RRM2: variants seen among roughly 807,000 people sequenced by gnomAD.
RRM2 encodes the protein ribonucleoside-diphosphate reductase subunit M2.
Under a neutral mutation model 45.9 loss-of-function variants are expected in RRM2, and 6 were observed. The observed-to-expected ratio is 0.13, with a 90% CI of 0.07 to 0.26. The LOEUF (loss-of-function observed/expected upper bound fraction) is 0.26. Ranked by LOEUF, RRM2 falls within the 10% of genes least tolerant of loss-of-function variation. RRM2 has a pLI of 1.00. For synonymous variants in RRM2, 177 were observed against 173.0 expected, an observed-to-expected ratio of 1.02 and a Z score of -0.18; for missense variants, 343 against 489.5, an observed-to-expected ratio of 0.70 and a Z score of 2.82.
upstream of RRM2, chr2:10,122,730 G>A (rs1414281461): frequency 5.8e-6 from 9 of 1,551,872 alleles, no homozygotes; most frequent in East Asian, 2.4e-5. Context: ...CTGGAGTGAG[G>A]GGTCGCCCGT....
chr2:10,205,221 C>G lies in RRM2; in HGVS notation n.483-5090C>G, dbSNP rs1195627614. On this transcript the variant is annotated intron_variant and non_coding_transcript_variant, in intron 3 of 3. Coordinates refer to the RRM2 transcript ENST00000381786. This position sits in a 1 kb window ranked among gnomAD's most constrained non-coding sequence, Gnocchi z 4.8. The stretch of plus-strand genomic sequence containing the variant: ...AGGGGGCGTGGAGCAGGGGCTGAGG[C>G]CTGAGCGGTGAGTGGGGCTCGGTAT... Among the ~76,000 whole-genome samples the G allele has an allele frequency of 6.6e-6, 1 of 152,160 alleles. No individual in the cohort carries two copies. The highest frequency in any genetic ancestry group is 6.6e-5 in the Admixed American group (1 of 15,266).
chr2:10,210,631 G>T (rs184696222), exon 4 of RRM2: 1 of 1,351,098 alleles, frequency 7.4e-7, no homozygotes, highest in South Asian at 1.2e-5. Context: ...CACACCCACT[G>T]CCTCTCATGC....
At chr2:10,210,533 T>C (rs1298312280) in exon 4 of RRM2, 5 of 1,367,194 alleles carry the variant, frequency 3.7e-6, no homozygotes, top group Non-Finnish European at 4.9e-6. Flanking sequence ...ATCCTTTCAC[T>C]GGACTCCACA....
chr2:10,144,911 G>A (rs1663157630), intron 3 of RRM2, among the ~76,000 whole-genome samples: 3 of 152,216 alleles, frequency 2.0e-5, no homozygotes, highest in Admixed American at 2.0e-4. Flanking sequence ...CCACTGGCTG[G>A]TGGGGGTGAC....
In RRM2 at chr2:10,152,055, TCTC is replaced by T. The variant is rs559868967; in HGVS notation, n.482+9683_482+9685del. Among the ~76,000 whole-genome samples, 462 of 152,086 alleles carry T rather than the reference TCTC, an allele frequency of 3.0e-3. 4 individuals carry two copies. The highest frequency in any genetic ancestry group is 0.011 in the African/African-American group (442 of 41,456). Reference sequence around the variant, plus strand: ...GCTCCGCCTCCCAGGTTCATGCTATTCTCCTGCCTCAGCCTCCCGAGTAGCTGG... The same window carrying T: ...GCTCCGCCTCCCAGGTTCATGCTATTCTGCCTCAGCCTCCCGAGTAGCTGG... On this transcript the variant is annotated intron_variant and non_coding_transcript_variant, in intron 3 of 3. Transcript: ENST00000381786.
At chr2:10,165,139 C>T (rs745892706) in intron 3 of RRM2, among the ~76,000 whole-genome samples, 18 of 152,132 alleles carry the variant, frequency 1.2e-4, no homozygotes, top group Non-Finnish European at 2.4e-4. Context: ...TTTGTAGAGA[C>T]GTGGTTTCAC....
rs956827249 is a variant in RRM2, at chr2:10,171,990, G to A, written n.482+29615G>A. Among the ~76,000 whole-genome samples the A allele has an allele frequency of 4.6e-5, 7 of 152,148 alleles. No homozygotes were observed. Among genetic ancestry groups the A allele is most frequent in the African/African-American group, 7.2e-5 (3 of 41,426 alleles). Reference sequence around the variant, plus strand: ...GACGGTGCTGCTTGTTTAGAAAACCGGGCAGAGGAGCCCTGCTAGTCCAGG... The same window carrying A: ...GACGGTGCTGCTTGTTTAGAAAACCAGGCAGAGGAGCCCTGCTAGTCCAGG... On this transcript the variant is annotated intron_variant and non_coding_transcript_variant, in intron 3 of 3. Transcript: ENST00000381786. The surrounding 1 kb of genome is among the most constrained non-coding windows in gnomAD (Gnocchi z 4.1).
At chr2:10,179,357 G>T (rs563282653) in intron 3 of RRM2, among the ~76,000 whole-genome samples, 124 of 152,202 alleles carry the variant, frequency 8.1e-4, no homozygotes, top group Non-Finnish European at 1.3e-3. Flanking sequence ...TCACCACGTT[G>T]GCCAGGCTGG....
rs1208650876 is a variant in RRM2, at chr2:10,171,227, G to A, written n.482+28852G>A. Among the ~76,000 whole-genome samples, 9 of 152,240 alleles carry A rather than the reference G, an allele frequency of 5.9e-5. No individual in the cohort carries two copies. The highest frequency in any genetic ancestry group is 2.2e-4 in the African/African-American group (9 of 41,468). On this transcript the variant is annotated intron_variant and non_coding_transcript_variant, in intron 3 of 3. Coordinates refer to the RRM2 transcript ENST00000381786. The surrounding 1 kb of genome is among the most constrained non-coding windows in gnomAD (Gnocchi z 4.1). Reference sequence around the variant, plus strand: ...GCAGCTTGGCCCAGCCTCCTCACTGGTGAACAGTCAGCTCTGCCCCCTGGG... The same window carrying A: ...GCAGCTTGGCCCAGCCTCCTCACTGATGAACAGTCAGCTCTGCCCCCTGGG...
intron 3 of RRM2, among the ~76,000 whole-genome samples, chr2:10,190,296 TTGG>T (rs747531760): frequency 8.8e-6 from 1 of 113,574 alleles, no homozygotes. Context: ...GATGGTGGGG[TTGG>T]TGGTGATGAG....
chr2:10,148,959 T>C (rs1467325905), intron 3 of RRM2, among the ~76,000 whole-genome samples: 1 of 152,208 alleles, frequency 6.6e-6, no homozygotes, highest in East Asian at 1.9e-4. Flanking sequence ...GTCTTGATTG[T>C]GTCTTGAGCA....
chr2:10,195,568 C>G lies in RRM2; in HGVS notation n.483-14743C>G, dbSNP rs1664399289. Among the ~76,000 whole-genome samples, 1 of 152,098 alleles carries G rather than the reference C, an allele frequency of 6.6e-6. No homozygotes were observed. Among genetic ancestry groups the G allele is most frequent in the Non-Finnish European group, 1.5e-5 (1 of 68,006 alleles). ...AGAGGGTGTGGGAGAGAGGAGCATC[C>G]CAGGCAAAGTGAGCCGCGTTTACCT... is the stretch of plus-strand genomic sequence containing the variant. On this transcript the variant is annotated intron_variant and non_coding_transcript_variant, in intron 3 of 3. Coordinates refer to the RRM2 transcript ENST00000381786. This position sits in a 1 kb window ranked among gnomAD's most constrained non-coding sequence, Gnocchi z 4.9.
Position 10,196,081 on chromosome 2 carries a change from G to A in RRM2, n.483-14230G>A, listed in dbSNP as rs150370428. Among the ~76,000 whole-genome samples, 678 of 152,282 alleles carry A rather than the reference G, an allele frequency of 4.5e-3. 2 individuals are homozygous for A. Among genetic ancestry groups the A allele is most frequent in the Admixed American group, 8.6e-3 (131 of 15,298 alleles). On this transcript the variant is annotated intron_variant and non_coding_transcript_variant, in intron 3 of 3. Coordinates refer to the RRM2 transcript ENST00000381786. ...ACACAGCTGTTATATGCTGTGGTCA[G>A]AAGTCCTTATTAGGTGAGCAATTAA...
intron 3 of RRM2, among the ~76,000 whole-genome samples, chr2:10,156,492 G>A (rs1292293303): frequency 5.9e-5 from 9 of 152,200 alleles, no homozygotes; most frequent in South Asian, 4.1e-4. Context: ...GTCTCCAGTC[G>A]TCTGGGGAGC....
chr2:10,210,404 A>G (rs369677777), exon 4 of RRM2: 2 of 1,367,696 alleles, frequency 1.5e-6, no homozygotes, highest in African/African-American at 1.5e-5. Context: ...TCACAGCAAG[A>G]CACCCAGAGT....
chr2:10,195,282 C>T lies in RRM2; in HGVS notation n.483-15029C>T, dbSNP rs1350096603. On this transcript the variant is annotated intron_variant and non_coding_transcript_variant, in intron 3 of 3. Coordinates refer to the RRM2 transcript ENST00000381786. The surrounding 1 kb of genome is among the most constrained non-coding windows in gnomAD (Gnocchi z 4.9). ...GCCTCTCTGCAGAGGAGGGGCTTCA[C>T]AGAGGAGGCAGCGGCTCAGGTGGTC... Among the ~76,000 whole-genome samples, 2 of 152,120 alleles carry T rather than the reference C, an allele frequency of 1.3e-5. No individual in the cohort carries two copies. The highest frequency in any genetic ancestry group is 2.1e-4 in the South Asian group (1 of 4,828).
At chr2:10,147,063 C>T (rs1663201628) in intron 3 of RRM2, among the ~76,000 whole-genome samples, 1 of 152,112 alleles carries the variant, frequency 6.6e-6, no homozygotes. Flanking sequence ...AGCGATTCTC[C>T]TGCCTCAGCC....
At chr2:10,174,453 C>G (rs576176754) in intron 3 of RRM2, among the ~76,000 whole-genome samples, 1 of 152,062 alleles carries the variant, frequency 6.6e-6, no homozygotes, top group Non-Finnish European at 1.5e-5. Flanking sequence ...CTGTGTCCCC[C>G]GCCAAAGCAG....
At chr2:10,134,268 G>T (rs1323658449), downstream of RRM2, among the ~76,000 whole-genome samples, 1 of 151,860 alleles carries the variant, frequency 6.6e-6, no homozygotes, top group Non-Finnish European at 1.5e-5. Context: ...TGGAGGCCCC[G>T]GAACTTGTAG....
Sources: gnomAD v4.1 joint callset for allele counts (sites outside exome capture counted in the v4.1 genomes callset) on GRCh38, gnomAD v4.1.1 for gene constraint, Gnocchi (gnomAD v3.1) non-coding constraint, MANE v1.5 for transcripts, NCBI Gene and HGNC (gene_info 2026-07-23, HGNC 2026-07-21) for gene names.